Variants in MTFR1 observed in about 807,000 individuals in gnomAD.
The protein encoded by MTFR1 is mitochondrial fission regulator 1.
Under a neutral mutation model 38.8 loss-of-function variants are expected in MTFR1, and 28 were observed. The ratio of observed to expected loss-of-function variants is 0.72; its 90% CI spans 0.53 to 0.99. MTFR1 has a LOEUF of 0.99. Ranked by LOEUF, MTFR1 falls within the 50% of genes least tolerant of loss-of-function variation. The pLI is 0.00. For synonymous variants in MTFR1, 145 were observed against 137.0 expected (o/e 1.06, Z -0.41); for missense variants, 358 against 395.5 (o/e 0.91, Z 0.81).
intron 3 of MTFR1, chr8:65,731,620 CAT>C (rs944121204): frequency 1.4e-4 from 21 of 152,256 alleles, no homozygotes; most frequent in African/African-American, 4.1e-4. Context: ...TTATAATCCA[CAT>C]GAGTTCAGCC....
chr8:65,778,031 T>C, the MTFR1 span, among the ~76,000 whole-genome samples: 2 of 152,176 alleles, frequency 1.3e-5, no homozygotes, highest in Admixed American at 1.3e-4. Context: ...GGACCTTAAT[T>C]ACTTTTTCAA....
chr8:65,698,765 G>A (rs1805524088), intron 4 of MTFR1, among the ~76,000 whole-genome samples: 1 of 149,252 alleles, frequency 6.7e-6, no homozygotes, highest in African/African-American at 2.5e-5. Flanking sequence ...TTTCACTCTT[G>A]TTGCCCAGGC....
At chr8:65,734,907 A>C in intron 3 of MTFR1, 1 of 1,524,838 alleles carries the variant, frequency 6.6e-7, no homozygotes, top group African/African-American at 1.4e-5. Context: ...GCATCAAAGA[A>C]AGAGATCCCG....
chr8:65,686,848 C>T (rs528048858), intron 3 of MTFR1, among the ~76,000 whole-genome samples: 2 of 150,416 alleles, frequency 1.3e-5, no homozygotes, highest in African/African-American at 2.5e-5. Flanking sequence ...TGCCTGAACC[C>T]GGGAACTGGA....
intron 1 of MTFR1, among the ~76,000 whole-genome samples, chr8:65,647,821 C>T (rs1809003468): frequency 6.6e-6 from 1 of 151,608 alleles, no homozygotes; most frequent in Non-Finnish European, 1.5e-5. Context: ...AAAAAAATGA[C>T]ACTATAATCC....
At chr8:65,650,527 G>A (rs976137788) in intron 1 of MTFR1, among the ~76,000 whole-genome samples, 9 of 152,070 alleles carry the variant, frequency 5.9e-5, no homozygotes, top group African/African-American at 1.2e-4. Flanking sequence ...TTTAGGTCCC[G>A]TAATAAGTGA....
At chr8:65,728,954 T>TCACA (rs1454468806) in intron 3 of MTFR1, among the ~76,000 whole-genome samples, 1 of 151,938 alleles carries the variant, frequency 6.6e-6, no homozygotes, top group Non-Finnish European at 1.5e-5. Flanking sequence ...TAAAAACAAA[T>TCACA]CACACATGCA....
rs1380764401 is a variant in MTFR1 at position 65,662,725 on chromosome 8, G to A, written c.-80-7148G>A. 7.4e-4 allele frequency among the ~76,000 whole-genome samples: 101 copies of A among 137,176 alleles called. 3 individuals carry two copies. Among genetic ancestry groups the A allele is most frequent in the African/African-American group, 2.5e-3 (97 of 38,214 alleles). 90.0% of individuals were successfully genotyped at this position (137,176 alleles called of 152,430 possible). On this transcript the variant is annotated intron_variant, in intron 1 of 7. Coordinates refer to ENST00000262146, the MANE Select transcript of MTFR1 (RefSeq NM_014637.4). ...GCCCGGCAGCCACACCGTCTGAGAA[G>A]TGAGGAGCCCCTCCGCCCGGCAGCC... is the stretch of plus-strand genomic sequence containing the variant.
intron 2 of MTFR1, among the ~76,000 whole-genome samples, chr8:65,677,384 C>CTTTTTTT (rs771296415): frequency 9.6e-6 from 1 of 104,692 alleles, no homozygotes; most frequent in Non-Finnish European, 2.0e-5. Context: ...TTAGCTGTTT[C>CTTTTTTT]TTTTTTTTTT....
At chr8:65,662,548 C>T (rs1268841176) in intron 1 of MTFR1, among the ~76,000 whole-genome samples, 2 of 145,918 alleles carry the variant, frequency 1.4e-5, no homozygotes, top group East Asian at 3.9e-4. Context: ...AGCGTCTCTG[C>T]CTGGCCGCCC....
At chr8:65,708,824 C>G in intron 7 of MTFR1, 152 bp from the exon 8 acceptor site, 1 of 671,770 alleles carries the variant, frequency 1.5e-6, no homozygotes, top group South Asian at 1.9e-5. Context: ...CATAACAACC[C>G]ATCAATTTGT....
chr8:65,727,309 GT>G, intron 3 of MTFR1: 1 of 1,611,926 alleles, frequency 6.2e-7, no homozygotes, highest in Non-Finnish European at 8.5e-7. Context: ...AAGCTGAAGT[GT>G]GACAAAAGAA....
intron 3 of MTFR1, chr8:65,722,867 T>A (rs1806443044): frequency 1.3e-5 from 2 of 152,336 alleles, no homozygotes; most frequent in African/African-American, 4.8e-5. Context: ...GGAGAGCAGC[T>A]TCTGGAGAAG....
intron 1 of MTFR1, among the ~76,000 whole-genome samples, chr8:65,650,531 T>C (rs561778124): frequency 6.6e-6 from 1 of 152,326 alleles, no homozygotes; most frequent in East Asian, 1.9e-4. Context: ...GGTCCCGTAA[T>C]AAGTGAGAAT....
intron 3 of MTFR1, among the ~76,000 whole-genome samples, chr8:65,743,556 C>T (rs1439770598): frequency 1.3e-5 from 2 of 152,160 alleles, no homozygotes; most frequent in African/African-American, 2.4e-5. Context: ...ACTGCATAAG[C>T]AAACAGAAGG....
At chr8:65,720,949 C>G (rs1421738859) in intron 3 of MTFR1, among the ~76,000 whole-genome samples, 1 of 152,194 alleles carries the variant, frequency 6.6e-6, no homozygotes, top group African/African-American at 2.4e-5. Context: ...TACCATTCAT[C>G]TTATTTCATC....
At chr8:65,707,710 CAG>C in intron 6 of MTFR1, 131 bp from the exon 7 acceptor site, 1 of 1,107,422 alleles carries the variant, frequency 9.0e-7, no homozygotes, top group South Asian at 1.6e-5. Flanking sequence ...TCAATGCTAG[CAG>C]TATTTATCAG....
chr8:65,759,279 A>C (rs1185461398), intron 3 of MTFR1, among the ~76,000 whole-genome samples: 2 of 152,178 alleles, frequency 1.3e-5, no homozygotes, highest in Non-Finnish European at 2.9e-5. Flanking sequence ...GGGGCTCAGG[A>C]CAGTACTATC....
intron 3 of MTFR1, among the ~76,000 whole-genome samples, chr8:65,756,436 T>TTC (rs755225437): frequency 1.3e-5 from 2 of 152,278 alleles, no homozygotes; most frequent in East Asian, 1.9e-4. Flanking sequence ...TCTCTTTTTT[T>TTC]TCTCTCTCTC....
Sources: allele counts gnomAD v4.1 joint callset (sites outside exome capture counted in the v4.1 genomes callset), GRCh38; gene constraint gnomAD v4.1.1; transcripts MANE v1.5; gene names NCBI Gene and HGNC (gene_info 2026-07-23, HGNC 2026-07-21).